MYO18A: variants seen among roughly 807,000 people sequenced by gnomAD.
MYO18A encodes the protein myosin XVIIIA, also known as unconventional myosin-XVIIIa.
In MYO18A, 78 loss-of-function variants were observed where a neutral mutation model predicts 235.8. The ratio of observed to expected loss-of-function variants is 0.33; its 90% confidence interval spans 0.28 to 0.40. MYO18A has a LOEUF of 0.40. MYO18A is among the 10% of genes least tolerant of loss of function. The pLI, the probability that MYO18A is intolerant of heterozygous loss-of-function variation, is 1.00. For synonymous variants in MYO18A, 977 were observed against 1,077.8 expected, an observed-to-expected ratio of 0.91 and a Z score of 1.83; for missense variants, 2,215 against 2,699.3, an observed-to-expected ratio of 0.82 and a Z score of 3.98.
rs537438786 is a variant in MYO18A, at chr17:29,122,105, C to T, written c.1087+61G>A. 25 of 1,564,294 alleles carry T rather than the reference C, an allele frequency of 1.6e-5. No homozygotes were observed. The Middle Eastern group carries it at 5.2e-4, about 32-fold the overall frequency. The stretch of plus-strand genomic sequence containing the variant: ...CCTCACCAGATGCAGAAGGCACATT[C>T]GCTGCCCAGCCCTGAGACCAGTGAG... On this transcript the variant is annotated intron_variant, in intron 3 of 41. Coordinates refer to ENST00000527372, the MANE Select transcript of MYO18A (RefSeq NM_078471.4).
intron 2 of MYO18A, chr17:29,129,088 T>C (rs1439377781): frequency 2.3e-6 from 3 of 1,289,272 alleles, no homozygotes; most frequent in East Asian, 5.5e-5. Flanking sequence ...TCACCTGTTT[T>C]CCGGGCAGTC....
At position 29,115,447 on chromosome 17, in the gene MYO18A, G is replaced by T; in HGVS notation, c.2228-6C>A. The T allele has an allele frequency of 1.2e-6, 2 of 1,612,968 alleles. No homozygotes were observed. The highest frequency in any genetic ancestry group is 2.2e-5 in the South Asian group (2 of 90,904). On this transcript the variant is annotated splice_polypyrimidine_tract_variant and splice_region_variant and intron_variant, in intron 12 of 41. Coordinates refer to ENST00000527372, the MANE Select transcript of MYO18A (RefSeq NM_078471.4). Reference sequence around the variant, plus strand: ...CAGTGCACTCAGTTTCGGGCCTGTGGGGCAGGGGGAGCAGCGCTATCTCCT... The same window carrying T: ...CAGTGCACTCAGTTTCGGGCCTGTGTGGCAGGGGGAGCAGCGCTATCTCCT...
At chr17:29,105,808 G>A (rs1342469464) in intron 20 of MYO18A, among the ~76,000 whole-genome samples, 2 of 152,038 alleles carry the variant, frequency 1.3e-5, no homozygotes, top group African/African-American at 2.4e-5. Context: ...GCCCACCAAA[G>A]GCTGAAGACC....
Position 29,158,369 on chromosome 17 carries a change from G to GA in MYO18A, c.999+7572dup, listed in dbSNP as rs2068103266. 1.3e-5 allele frequency among the ~76,000 whole-genome samples: 2 copies of GA among 152,166 alleles called. 1 individual carries two copies. The highest frequency in any genetic ancestry group is 4.1e-4 in the South Asian group (2 of 4,838). On this transcript the variant is annotated intron_variant, in intron 2 of 41. Coordinates refer to ENST00000527372, the MANE Select transcript of MYO18A (RefSeq NM_078471.4). This position sits in a 1 kb window ranked among gnomAD's most constrained non-coding sequence, Gnocchi z 4.3. The stretch of plus-strand genomic sequence containing the variant: ...CCCAACCAAACTAGAGCCCACAACT[G>GA]AAAAAATAAGCTTTGCTAACACTGT...
In MYO18A at chr17:29,126,453, T is replaced by C. The variant is rs977208626; in HGVS notation, c.1000-4200A>G. On this transcript the variant is annotated intron_variant, in intron 2 of 41. Coordinates refer to ENST00000527372, the MANE Select transcript of MYO18A (RefSeq NM_078471.4). The surrounding 1 kb of genome is among the most constrained non-coding windows in gnomAD (Gnocchi z 4.1). ...CAAAATGCCCATGCCAGCTCCTCCC[T>C]GTGAGCAGGAACAGGCACTTCCCTG... Among the ~76,000 whole-genome samples the C allele has an allele frequency of 9.2e-5, 14 of 152,168 alleles. No individual in the cohort carries two copies. The highest frequency in any genetic ancestry group is 1.8e-4 in the Non-Finnish European group (12 of 68,022).
intron 40 of MYO18A, 118 bp from the exon 41 acceptor site, chr17:29,082,556 G>A (rs908795023): frequency 2.7e-5 from 28 of 1,034,972 alleles, no homozygotes; most frequent in Non-Finnish European, 3.4e-5. Context: ...CATGCACGTC[G>A]GTGAGTCGGG....
At chr17:29,155,325 C>T in intron 2 of MYO18A, 1 of 152,606 alleles carries the variant, frequency 6.6e-6, no homozygotes, top group Non-Finnish European at 1.5e-5. Context: ...CAGCACAGAG[C>T]TCTGCCTCCT....
intron 10 of MYO18A, among the ~76,000 whole-genome samples, chr17:29,116,671 A>G (rs1172752886): frequency 7.6e-6 from 1 of 131,528 alleles, no homozygotes; most frequent in African/African-American, 3.0e-5. Context: ...TGACACACAC[A>G]GAAAGAGACC....
rs2065925139 is a variant in MYO18A, at chr17:29,074,211, T to A, written c.*559A>T. The A allele has an allele frequency of 6.3e-7, 1 of 1,579,450 alleles. No homozygotes were observed. Among genetic ancestry groups the A allele is most frequent in the East Asian group, 2.3e-5 (1 of 44,436 alleles). On this transcript the variant is annotated 3_prime_UTR_variant, in exon 42 of 42. Coordinates refer to ENST00000527372, the MANE Select transcript of MYO18A (RefSeq NM_078471.4). This position sits in a 1 kb window ranked among gnomAD's most constrained non-coding sequence, Gnocchi z 4.4. Reference sequence around the variant, plus strand: ...GATGGAGATGACATTCCCGAGTCGTTCTTGGGAGCCCCAGCTACCACTACA... The same window carrying A: ...GATGGAGATGACATTCCCGAGTCGTACTTGGGAGCCCCAGCTACCACTACA...
Position 29,074,675 on chromosome 17 carries a change from C to T in MYO18A, c.*95G>A, listed in dbSNP as rs761955064. 58 of 1,376,490 alleles carry T rather than the reference C, an allele frequency of 4.2e-5. No individual in the cohort carries two copies. The highest frequency in any genetic ancestry group is 3.8e-4 in the Middle Eastern group (2 of 5,294). The allele number at this position is 1,376,490 out of a possible 1,614,324, so 85.3% of individuals were successfully genotyped here. ...GGTGTTTCCCATGCAGATCAGCAGT[C>T]GGGTGGGGGAGACCGGTGCCCCACC... On this transcript the variant is annotated 3_prime_UTR_variant, in exon 42 of 42. Coordinates refer to ENST00000527372, the MANE Select transcript of MYO18A (RefSeq NM_078471.4). The surrounding 1 kb of genome is among the most constrained non-coding windows in gnomAD (Gnocchi z 4.4).
Position 29,103,700 on chromosome 17 carries a change from G to T in MYO18A, c.3442-36C>A, listed in dbSNP as rs746818191. 2.5e-6 allele frequency: 4 copies of T among 1,606,468 alleles called. No individual in the cohort carries two copies. In the East Asian group the frequency reaches 8.9e-5, roughly 36 times the overall value. On this transcript the variant is annotated intron_variant, in intron 20 of 41. Coordinates refer to ENST00000527372, the MANE Select transcript of MYO18A (RefSeq NM_078471.4). ...AGGCCTCTGTCAGGCAGCCCGCCTG[G>T]GCCTCCCCTCACCATGCAGGGCTTT...
rs933771803 is a variant in MYO18A, at chr17:29,092,251, G to A, written c.5187+92C>T. 26 of 906,002 alleles carry A rather than the reference G, an allele frequency of 2.9e-5. No individual in the cohort carries two copies. In the African/African-American group the frequency reaches 4.1e-4, roughly 14 times the overall value. The allele number at this position is 906,002 out of a possible 1,614,324, so 56.1% of individuals were successfully genotyped here. Reference sequence around the variant, plus strand: ...AAGGACCTGTCACAAGTCCTGACGTGGAGGGACCTGTCTAGGGTGAAGGGA... The same window carrying A: ...AAGGACCTGTCACAAGTCCTGACGTAGAGGGACCTGTCTAGGGTGAAGGGA... On this transcript the variant is annotated intron_variant, in intron 34 of 41. Coordinates refer to ENST00000527372, the MANE Select transcript of MYO18A (RefSeq NM_078471.4).
At chr17:29,129,131 A>C in intron 2 of MYO18A, 1 of 1,289,124 alleles carries the variant, frequency 7.8e-7, no homozygotes, top group East Asian at 5.6e-5. Flanking sequence ...GAAGGAAAAA[A>C]TGATCAGGGA....
At chr17:29,085,683 C>T (rs777712143) in intron 39 of MYO18A, 35 bp from the exon 40 acceptor site, 5 of 1,611,188 alleles carry the variant, frequency 3.1e-6, no homozygotes, top group Admixed American at 3.3e-5. Flanking sequence ...GCAAGGGGTC[C>T]AGAGGAAACA....
chr17:29,121,229 G>A lies in MYO18A; in HGVS notation c.1372-18C>T. ...TGCATCACCTTGGGCAGGAGAGCAA[G>A]GGAGAGAAGGGGTTGGCTCTTAGCT... On this transcript the variant is annotated intron_variant, in intron 5 of 41. Coordinates refer to ENST00000527372, the MANE Select transcript of MYO18A (RefSeq NM_078471.4). This position sits in a 1 kb window ranked among gnomAD's most constrained non-coding sequence, Gnocchi z 4.2. 1 of 1,586,228 alleles carries A rather than the reference G, an allele frequency of 6.3e-7. No homozygotes were observed. The highest frequency in any genetic ancestry group is 8.6e-7 in the Non-Finnish European group (1 of 1,166,044).
chr17:29,144,176 A>G (rs1320846639), intron 2 of MYO18A, among the ~76,000 whole-genome samples: 2 of 152,220 alleles, frequency 1.3e-5, no homozygotes, highest in Admixed American at 1.3e-4. Flanking sequence ...TGATGGCTCC[A>G]GAGGCCATGT....
Position 29,151,365 on chromosome 17 carries a change from T to C in MYO18A, c.999+14577A>G, listed in dbSNP as rs114457393. Among the ~76,000 whole-genome samples the C allele has an allele frequency of 4.5e-3, 688 of 152,328 alleles. 3 individuals are homozygous for C. Among genetic ancestry groups the C allele is most frequent in the African/African-American group, 0.016 (659 of 41,574 alleles). On this transcript the variant is annotated intron_variant, in intron 2 of 41. Coordinates refer to ENST00000527372, the MANE Select transcript of MYO18A (RefSeq NM_078471.4). ...ATTTCTACCCTTGCAAATTGTTCTGTTGGGCAGGTCTGGTCTAGAGGTTCC... is the reference window on the plus strand; with the variant it reads ...ATTTCTACCCTTGCAAATTGTTCTGCTGGGCAGGTCTGGTCTAGAGGTTCC...
Position 29,074,665 on chromosome 17 carries a change from G to T in MYO18A, c.*105C>A, listed in dbSNP as rs1354662646. 3 of 1,291,130 alleles carry T rather than the reference G, an allele frequency of 2.3e-6. No homozygotes were observed. The highest frequency in any genetic ancestry group is 3.3e-6 in the Non-Finnish European group (3 of 902,056). The allele number at this position is 1,291,130 out of a possible 1,614,324, so 80.0% of individuals were successfully genotyped here. A position where few individuals can be genotyped will look rare whatever the true frequency, so the allele number is the denominator to read the frequency against. On this transcript the variant is annotated 3_prime_UTR_variant, in exon 42 of 42. Transcript: ENST00000527372. This position sits in a 1 kb window ranked among gnomAD's most constrained non-coding sequence, Gnocchi z 4.4. Reference sequence around the variant, plus strand: ...AGAAGGTCAGGGTGTTTCCCATGCAGATCAGCAGTCGGGTGGGGGAGACCG... The same window carrying T: ...AGAAGGTCAGGGTGTTTCCCATGCATATCAGCAGTCGGGTGGGGGAGACCG...
rs566347249 is a variant in MYO18A at position 29,098,837 on chromosome 17, G to A, written c.3769C>T (p.Arg1257Trp). 1.8e-5 allele frequency: 29 copies of A among 1,613,932 alleles called. No individual in the cohort carries two copies. The highest frequency in any genetic ancestry group is 1.2e-4 in the Admixed American group (7 of 60,006). ...IEVQLSEEQIRNKDEEIQQLR... is the reference protein window; with the variant it reads ...IEVQLSEEQIWNKDEEIQQLR... The stretch of plus-strand genomic sequence containing the variant: ...AGGCTGTCACATACGTCTTTGTTCC[G>A]GATCTGCTCCTCTGACAGCTGTACT... The change falls in exon 23 of 42, where the codon CGG becomes TGG. Residue 1257 changes from arginine to tryptophan, a missense_variant. Transcript: ENST00000527372.
Sources: allele counts gnomAD v4.1 joint callset (sites outside exome capture counted in the v4.1 genomes callset), GRCh38; gene constraint gnomAD v4.1.1; non-coding constraint Gnocchi (gnomAD v3.1); transcripts MANE v1.5; gene names NCBI Gene and HGNC (gene_info 2026-07-23, HGNC 2026-07-21).